The following SCARA3 variants were observed in gnomAD, a reference collection of about 807,000 sequenced individuals.
SCARA3 encodes the protein scavenger receptor class A member 3.
SCARA3 carries 39 observed loss-of-function variants against 47.0 expected under a neutral mutation model. The ratio of observed to expected loss-of-function variants is 0.83; its 90% confidence interval spans 0.64 to 1.08. The LOEUF is 1.08. SCARA3 is among the 50% of genes least tolerant of loss of function. The pLI is 0.00. For missense variants in SCARA3, 724 were observed against 792.3 expected, an observed-to-expected ratio of 0.91 and a Z score of 1.04; for synonymous variants, 356 against 334.1, an observed-to-expected ratio of 1.07 and a Z score of -0.71.
Position 27,672,432 on chromosome 8 carries a change from A to G in SCARA3, c.*1081A>G. 13 of 985,544 alleles carry G rather than the reference A, an allele frequency of 1.3e-5. No individual in the cohort carries two copies. The highest frequency in any genetic ancestry group is 1.6e-5 in the Non-Finnish European group (13 of 830,030). 61.0% of individuals were successfully genotyped at this position (985,544 alleles called of 1,614,324 possible). A position where few individuals can be genotyped will look rare whatever the true frequency, so the allele number is the denominator to read the frequency against. On this transcript the variant is annotated 3_prime_UTR_variant, in exon 6 of 6. Coordinates refer to ENST00000301904, the MANE Select transcript of SCARA3 (RefSeq NM_016240.3). The stretch of plus-strand genomic sequence containing the variant: ...GCTCTCCCTGAGGCTGGCCTGCCCC[A>G]TTCCCCAAGGGGGCTCCTCTGGAGT...
intron 1 of SCARA3, among the ~76,000 whole-genome samples, chr8:27,645,020 T>C (rs987081727): frequency 3.9e-5 from 6 of 152,114 alleles, no homozygotes; most frequent in Non-Finnish European, 7.4e-5. Context: ...GAGCCAACAT[T>C]TTGCTCCTAC....
At chr8:27,640,013 T>A (rs1043348454) in intron 1 of SCARA3, among the ~76,000 whole-genome samples, 4 of 144,684 alleles carry the variant, frequency 2.8e-5, no homozygotes, top group African/African-American at 1.1e-4. Context: ...AAGGCAGGGA[T>A]GGCCCGTGCT....
At chr8:27,699,238 C>T in the SCARA3 span, among the ~76,000 whole-genome samples, 3 of 146,438 alleles carry the variant, frequency 2.0e-5, no homozygotes, top group Non-Finnish European at 3.0e-5. Context: ...AGCAAGACTC[C>T]GTCTCAAATA....
chr8:27,687,467 T>C, the SCARA3 span, among the ~76,000 whole-genome samples: 1 of 151,288 alleles, frequency 6.6e-6, no homozygotes, highest in African/African-American at 2.4e-5. Context: ...GAAAGAGAGC[T>C]AGGAGAGAGA....
chr8:27,687,744 C>T, the SCARA3 span, among the ~76,000 whole-genome samples: 3 of 152,032 alleles, frequency 2.0e-5, no homozygotes, highest in African/African-American at 4.8e-5. Context: ...AGGCCAGGCA[C>T]GGTGGCCAAT....
At chr8:27,648,212 C>CCTCA (rs1355250846) in intron 1 of SCARA3, among the ~76,000 whole-genome samples, 1 of 152,250 alleles carries the variant, frequency 6.6e-6, no homozygotes, top group Non-Finnish European at 1.5e-5. Context: ...CTTCCCTGAA[C>CCTCA]CTCAGTCTTT....
intron 1 of SCARA3, among the ~76,000 whole-genome samples, chr8:27,641,500 C>T (rs537399766): frequency 6.6e-6 from 1 of 152,232 alleles, no homozygotes; most frequent in South Asian, 2.1e-4. Context: ...ATGCCCCCCT[C>T]TGACACTCTC....
At chr8:27,719,996 G>GCCC in the SCARA3 span, among the ~76,000 whole-genome samples, 1 of 152,142 alleles carries the variant, frequency 6.6e-6, no homozygotes, top group African/African-American at 2.4e-5. Flanking sequence ...CCCTGCAGCT[G>GCCC]ATCAGGGAGA....
the SCARA3 span, among the ~76,000 whole-genome samples, chr8:27,694,578 G>C: frequency 1.3e-5 from 2 of 152,314 alleles, no homozygotes; most frequent in Admixed American, 6.5e-5. Context: ...ATGTGTTGAA[G>C]AAGAAAGGAA....
chr8:27,731,683 T>C, the SCARA3 span, among the ~76,000 whole-genome samples: 2 of 149,288 alleles, frequency 1.3e-5, no homozygotes, highest in African/African-American at 4.9e-5. Flanking sequence ...GGTAACCAGA[T>C]TTAAGCTTTG....
chr8:27,714,236 C>T, the SCARA3 span, among the ~76,000 whole-genome samples: 36 of 134,234 alleles, frequency 2.7e-4, no homozygotes, highest in African/African-American at 9.7e-4. Flanking sequence ...TGCTCTGTCT[C>T]CTAGGCTGGG....
At chr8:27,678,682 G>C (rs1422933389), downstream of SCARA3, among the ~76,000 whole-genome samples, 1 of 152,156 alleles carries the variant, frequency 6.6e-6, no homozygotes, top group Non-Finnish European at 1.5e-5. Flanking sequence ...AACTTCTTCT[G>C]AGTCTAGCAT....
chr8:27,670,965 G>A lies in SCARA3; in HGVS notation c.1435G>A (p.Gly479Ser), dbSNP rs772862412. The change falls in exon 6 of 6, where the codon GGC becomes AGC. Residue 479 changes from glycine to serine, a missense_variant. By Grantham distance (56) the Gly-to-Ser change is moderately conservative. Coordinates refer to ENST00000301904, the MANE Select transcript of SCARA3 (RefSeq NM_016240.3). ...GDMGVKGPVG[G>S]RGPKGDPGSL... ...TATGGGCGTGAAAGGGCCTGTTGGC[G>A]GCAGAGGCCCGAAAGGAGACCCCGG... 111 of 1,600,342 alleles carry A rather than the reference G, an allele frequency of 6.9e-5. No individual in the cohort carries two copies. Among genetic ancestry groups the A allele is most frequent in the Middle Eastern group, 1.7e-4 (1 of 5,946 alleles).
At chr8:27,654,803 G>GAAAAAGAA in intron 3 of SCARA3, among the ~76,000 whole-genome samples, 1 of 100,638 alleles carries the variant, frequency 9.9e-6, no homozygotes, top group Non-Finnish European at 2.2e-5. Context: ...AAAAAAAAAA[G>GAAAAAGAA]AAAAAGAAAA....
chr8:27,649,105 C>G (rs182538576), intron 1 of SCARA3, among the ~76,000 whole-genome samples: 1 of 152,286 alleles, frequency 6.6e-6, no homozygotes, highest in African/African-American at 2.4e-5. Flanking sequence ...ACCATATTGT[C>G]CCAGAGAATA....
the SCARA3 span, among the ~76,000 whole-genome samples, chr8:27,688,743 C>T: frequency 1.3e-5 from 2 of 152,038 alleles, no homozygotes; most frequent in African/African-American, 4.8e-5. Flanking sequence ...GGAAGGAATC[C>T]CTTAACCCAG....
At chr8:27,717,305 G>A in the SCARA3 span, among the ~76,000 whole-genome samples, 1 of 152,036 alleles carries the variant, frequency 6.6e-6, no homozygotes, top group Non-Finnish European at 1.5e-5. Flanking sequence ...TATAGATGTG[G>A]GTATAGCTAT....
At chr8:27,717,518 C>A in the SCARA3 span, among the ~76,000 whole-genome samples, 2 of 152,280 alleles carry the variant, frequency 1.3e-5, no homozygotes, top group East Asian at 3.9e-4. Flanking sequence ...GGCTCAGTGG[C>A]CCCCACCTGT....
At chr8:27,688,956 G>A in the SCARA3 span, among the ~76,000 whole-genome samples, 1 of 152,098 alleles carries the variant, frequency 6.6e-6, no homozygotes, top group Non-Finnish European at 1.5e-5. Flanking sequence ...TTAAAAGTAT[G>A]ATATATTTCA....
Sources: gnomAD v4.1 joint callset for allele counts (sites outside exome capture counted in the v4.1 genomes callset) on GRCh38, gnomAD v4.1.1 for gene constraint, MANE v1.5 for transcripts, NCBI Gene and HGNC (gene_info 2026-07-23, HGNC 2026-07-21) for gene names.